The following PDE4D variants were observed in gnomAD, a reference collection of about 807,000 sequenced individuals.
PDE4D encodes 3',5'-cyclic-AMP phosphodiesterase 4D.
In PDE4D, 24 loss-of-function variants were observed where a neutral mutation model predicts 87.4. The observed-to-expected ratio is 0.27, with a 90% CI of 0.20 to 0.39. PDE4D has a LOEUF of 0.39. Ranked by LOEUF, PDE4D falls within the 10% of genes least tolerant of loss-of-function variation. The pLI is 1.00. For missense variants in PDE4D, 714 were observed against 1,041.0 expected, an observed-to-expected ratio of 0.69 and a Z score of 4.32; for synonymous variants, 384 against 383.2, an observed-to-expected ratio of 1.00 and a Z score of -0.02.
At chr5:60,052,603 G>A (rs1412796732) in intron 2 of PDE4D, among the ~76,000 whole-genome samples, 1 of 152,164 alleles carries the variant, frequency 6.6e-6, no homozygotes, top group East Asian at 1.9e-4. Context: ...GCAAAAGCTG[G>A]ACGCATTCTC....
intron 1 of PDE4D, among the ~76,000 whole-genome samples, chr5:60,208,525 T>G (rs528155718): frequency 3.3e-5 from 5 of 151,990 alleles, no homozygotes; most frequent in Non-Finnish European, 7.4e-5. Flanking sequence ...CCAAAGAGAA[T>G]AGCAGGACAA....
intron 6 of PDE4D, among the ~76,000 whole-genome samples, chr5:59,001,049 A>G (rs946592473): frequency 1.3e-5 from 2 of 152,160 alleles, no homozygotes; most frequent in East Asian, 3.9e-4. Context: ...GCTCTTAGGA[A>G]TCCAGAATTG....
chr5:59,441,627 C>G (rs1413962343), intron 1 of PDE4D, among the ~76,000 whole-genome samples: 1 of 152,126 alleles, frequency 6.6e-6, no homozygotes, highest in Non-Finnish European at 1.5e-5. Context: ...ATGACGATTG[C>G]AGGGCACAGA....
intron 2 of PDE4D, among the ~76,000 whole-genome samples, chr5:60,103,418 G>A (rs114514212): frequency 0.022 from 3,412 of 152,262 alleles, 52 homozygotes; most frequent in Non-Finnish European, 0.035. Context: ...TTTCAGCAAA[G>A]AGGGGAGTAA....
chr5:60,409,847 C>T (rs1443072142), intron 1 of PDE4D, among the ~76,000 whole-genome samples: 1 of 151,950 alleles, frequency 6.6e-6, no homozygotes, highest in Non-Finnish European at 1.5e-5. Flanking sequence ...GTAGAGGAAA[C>T]TGTCATCTCT....
chr5:60,076,977 G>C (rs1336238087), intron 2 of PDE4D, among the ~76,000 whole-genome samples: 1 of 152,226 alleles, frequency 6.6e-6, no homozygotes, highest in Admixed American at 6.5e-5. Flanking sequence ...GTGCATTCGT[G>C]CTGGTGGTGG....
At chr5:59,898,787 G>A (rs1474364411) in intron 3 of PDE4D, among the ~76,000 whole-genome samples, 1 of 152,154 alleles carries the variant, frequency 6.6e-6, no homozygotes, top group Non-Finnish European at 1.5e-5. Flanking sequence ...GTCCCCTAAA[G>A]GCAATGTAGT....
At chr5:60,310,636 C>T (rs1036064852) in intron 1 of PDE4D, among the ~76,000 whole-genome samples, 4 of 152,124 alleles carry the variant, frequency 2.6e-5, no homozygotes, top group East Asian at 1.9e-4. Context: ...TAACAGATAC[C>T]GACATTATAA....
chr5:60,438,857 G>A (rs1196365624), intron 1 of PDE4D, among the ~76,000 whole-genome samples: 1 of 152,088 alleles, frequency 6.6e-6, no homozygotes, highest in Admixed American at 6.6e-5. Context: ...TGTTGGTAGG[G>A]TGGTAAGAAA....
chr5:60,121,635 C>A (rs1332054189), intron 2 of PDE4D, among the ~76,000 whole-genome samples: 1 of 152,022 alleles, frequency 6.6e-6, no homozygotes, highest in African/African-American at 2.4e-5. Context: ...TTATCTCCCA[C>A]CAAATGCCTC....
At chr5:59,357,402 G>A (rs1781560128) in intron 1 of PDE4D, among the ~76,000 whole-genome samples, 1 of 152,088 alleles carries the variant, frequency 6.6e-6, no homozygotes, top group South Asian at 2.1e-4. Flanking sequence ...CTCTTAAAAA[G>A]AGATGGATAT....
At chr5:59,326,900 G>T (rs1775776718) in intron 1 of PDE4D, among the ~76,000 whole-genome samples, 1 of 152,036 alleles carries the variant, frequency 6.6e-6, no homozygotes, top group Non-Finnish European at 1.5e-5. Flanking sequence ...TTCCCCAATA[G>T]ATTCCAAAGC....
chr5:60,374,843 T>C (rs930563108), intron 1 of PDE4D, among the ~76,000 whole-genome samples: 8 of 152,212 alleles, frequency 5.3e-5, no homozygotes, highest in Non-Finnish European at 1.2e-4. Context: ...TTATATAATA[T>C]GCTTAAAAAT....
intron 3 of PDE4D, among the ~76,000 whole-genome samples, chr5:59,921,274 T>C (rs376652327): frequency 6.6e-6 from 1 of 152,124 alleles, no homozygotes; most frequent in Non-Finnish European, 1.5e-5. Flanking sequence ...AAAATTAATG[T>C]TTTTTGCAAA....
At chr5:60,178,928 T>C (rs956668918) in intron 2 of PDE4D, among the ~76,000 whole-genome samples, 1 of 152,138 alleles carries the variant, frequency 6.6e-6, no homozygotes, top group Admixed American at 6.6e-5. Flanking sequence ...GTAACTGTCA[T>C]AGTTTGGTCA....
intron 1 of PDE4D, among the ~76,000 whole-genome samples, chr5:60,428,244 AAAATT>A (rs1743887625): frequency 6.6e-6 from 1 of 152,208 alleles, no homozygotes; most frequent in Non-Finnish European, 1.5e-5. Flanking sequence ...AGCAATCAAG[AAAATT>A]AAATTAAAAA....
chr5:59,345,579 T>C (rs1412503282), intron 1 of PDE4D, among the ~76,000 whole-genome samples: 2 of 152,186 alleles, frequency 1.3e-5, no homozygotes, highest in Non-Finnish European at 2.9e-5. Flanking sequence ...AATGGCTCAC[T>C]GTTACCCACA....
intron 2 of PDE4D, among the ~76,000 whole-genome samples, chr5:60,051,103 C>A (rs1260486412): frequency 6.6e-6 from 1 of 152,134 alleles, no homozygotes; most frequent in East Asian, 1.9e-4. Context: ...GAGACTTTAA[C>A]ACCCCACTGT....
At chr5:59,557,623 A>T (rs1819183248) in intron 1 of PDE4D, among the ~76,000 whole-genome samples, 1 of 152,226 alleles carries the variant, frequency 6.6e-6, no homozygotes, top group Non-Finnish European at 1.5e-5. Context: ...CTATGAGTTA[A>T]TATAAGCAGT....
Sources: allele counts gnomAD v4.1 joint callset (sites outside exome capture counted in the v4.1 genomes callset), GRCh38; gene constraint gnomAD v4.1.1; transcripts MANE v1.5; gene names NCBI Gene and HGNC (gene_info 2026-07-23, HGNC 2026-07-21).